The following RAPGEFL1 variants were observed in gnomAD, a reference collection of about 807,000 sequenced individuals.
RAPGEFL1 encodes the protein rap guanine nucleotide exchange factor-like 1.
Under a neutral mutation model 64.4 loss-of-function variants are expected in RAPGEFL1, and 31 were observed. That is an observed-to-expected ratio of 0.48 (90% confidence interval 0.36 to 0.65). The LOEUF (loss-of-function observed/expected upper bound fraction) is 0.65. Ranked by LOEUF, RAPGEFL1 falls within the 30% of genes least tolerant of loss-of-function variation. The pLI, the probability that RAPGEFL1 is intolerant of heterozygous loss-of-function variation, is 0.00. For missense variants in RAPGEFL1, 682 were observed against 677.4 expected (o/e 1.01, Z -0.08); for synonymous variants, 331 against 274.1 (o/e 1.21, Z -2.05).
upstream of RAPGEFL1, chr17:40,177,457 C>A (rs1200805866): frequency 6.2e-6 from 4 of 645,026 alleles, no homozygotes; most frequent in African/African-American, 1.8e-5. Flanking sequence ...GGGGCGCGGT[C>A]TCGGTTCTGC....
At position 40,178,391 on chromosome 17, in the gene RAPGEFL1, C is replaced by T. The variant is rs1396532785; in HGVS notation, c.520+10C>T. 1.0e-5 allele frequency: 5 copies of T among 494,950 alleles called. No individual in the cohort carries two copies. The highest frequency in any genetic ancestry group is 6.1e-5 in the African/African-American group (3 of 49,332). The allele number at this position is 494,950 out of a possible 1,614,324, so 30.7% of individuals were successfully genotyped here. On this transcript the variant is annotated intron_variant, in intron 1 of 14. Coordinates refer to ENST00000620260, the MANE Select transcript of RAPGEFL1 (RefSeq NM_016339.6). ...GACAGCGCCGCCTCAGGTAAGGAGC[C>T]GGTGGGCTCGAACACCCAGAGCAGG...
chr17:40,181,468 G>T (rs1307622334), intron 1 of RAPGEFL1, 148 bp from the exon 2 acceptor site: 1 of 672,890 alleles, frequency 1.5e-6, no homozygotes. Context: ...ATGTGTGCGC[G>T]TGTGCAGAGC....
chr17:40,177,156 A>G (rs1330130478), upstream of RAPGEFL1: 3 of 702,506 alleles, frequency 4.3e-6, no homozygotes, highest in Non-Finnish European at 5.2e-6. Flanking sequence ...TCTTGGGTTC[A>G]GCAATCTGTA....
chr17:40,177,630 G>A lies in RAPGEFL1; in HGVS notation c.-232G>A, dbSNP rs958461337. ...TTCGGGCCGCGTGCCGGCTGCAGCC[G>A]GCATGGGGGGTTGCTGAGAGCGAGC... On this transcript the variant is annotated 5_prime_UTR_variant, in exon 1 of 15. Coordinates refer to ENST00000620260, the MANE Select transcript of RAPGEFL1 (RefSeq NM_016339.6). 2.5e-6 allele frequency: 1 copy of A among 400,106 alleles called. No homozygotes were observed. The highest frequency in any genetic ancestry group is 4.3e-6 in the Non-Finnish European group (1 of 230,268). 24.8% of individuals were successfully genotyped at this position (400,106 alleles called of 1,614,324 possible).
intron 1 of RAPGEFL1, among the ~76,000 whole-genome samples, chr17:40,180,693 G>A (rs1285460913): frequency 6.6e-6 from 1 of 152,200 alleles, no homozygotes; most frequent in Middle Eastern, 3.2e-3. Context: ...TCACATTTGC[G>A]AAATGAAATC....
At chr17:40,181,011 C>T (rs963213997) in intron 1 of RAPGEFL1, among the ~76,000 whole-genome samples, 2 of 152,214 alleles carry the variant, frequency 1.3e-5, no homozygotes, top group African/African-American at 4.8e-5. Flanking sequence ...TGAGAGGAGC[C>T]GCTCCCCTTC....
intron 2 of RAPGEFL1, 95 bp from the exon 3 acceptor site, chr17:40,184,119 T>G: frequency 2.2e-6 from 2 of 925,378 alleles, no homozygotes; most frequent in Non-Finnish European, 3.6e-6. Flanking sequence ...GCTGGGATTA[T>G]AGGCGTGAGC....
intron 12 of RAPGEFL1, 100 bp downstream of exon 12, chr17:40,192,793 A>G (rs1483100329): frequency 7.3e-7 from 1 of 1,374,202 alleles, no homozygotes; most frequent in Admixed American, 1.7e-5. Context: ...AGCCCTGAGT[A>G]CCCACCTGGA....
chr17:40,192,160 T>C lies in RAPGEFL1; in HGVS notation c.1606-53T>C. 3 of 1,532,108 alleles carry C rather than the reference T, an allele frequency of 2.0e-6. No homozygotes were observed. In the South Asian group the frequency reaches 3.4e-5, roughly 17 times the overall value. The allele number at this position is 1,532,108 out of a possible 1,614,324, so 94.9% of individuals were successfully genotyped here. On this transcript the variant is annotated intron_variant, in intron 10 of 14. Transcript: ENST00000620260. ...GGAGAATTAATCCGAGGCTCCCATG[T>C]AACCCAAGGAGCTCCACTCTGATAT...
chr17:40,190,837 C>T, intron 8 of RAPGEFL1, 75 bp downstream of exon 8: 1 of 1,581,240 alleles, frequency 6.3e-7, no homozygotes, highest in Non-Finnish European at 8.6e-7. Context: ...GTTCGCAGCA[C>T]AACGTCCTGG....
At chr17:40,181,756 A>G (rs1014081472) in intron 2 of RAPGEFL1, 62 bp downstream of exon 2, 1 of 695,406 alleles carries the variant, frequency 1.4e-6, no homozygotes, top group African/African-American at 1.8e-5. Flanking sequence ...TCCGTCCCAC[A>G]TGCAATCTCA....
intron 4 of RAPGEFL1, 29 bp downstream of exon 4, chr17:40,184,707 C>A (rs752003698): frequency 1.4e-6 from 2 of 1,405,670 alleles, no homozygotes; most frequent in East Asian, 4.8e-5. Flanking sequence ...GGGGCGGGAA[C>A]AGGAAAGTGG....
chr17:40,191,684 C>T lies in RAPGEFL1; in HGVS notation c.1605+12C>T, dbSNP rs1598446324. The T allele has an allele frequency of 6.2e-7, 1 of 1,604,160 alleles. No homozygotes were observed. The highest frequency in any genetic ancestry group is 8.5e-7 in the Non-Finnish European group (1 of 1,175,646). On this transcript the variant is annotated intron_variant, in intron 10 of 14. Coordinates refer to ENST00000620260, the MANE Select transcript of RAPGEFL1 (RefSeq NM_016339.6). This position sits in a 1 kb window ranked among gnomAD's most constrained non-coding sequence, Gnocchi z 5.1. ...GACTCACCTGGGAGGTGATGAGACC[C>T]CTCCCGTTCCTACCTGGGAATCTGG...
intron 14 of RAPGEFL1, 91 bp from the exon 15 acceptor site, chr17:40,193,573 C>T (rs1990354101): frequency 6.2e-7 from 1 of 1,601,052 alleles, no homozygotes; most frequent in Non-Finnish European, 8.6e-7. Flanking sequence ...CAACATCTGT[C>T]TCAGTCCACA....
In RAPGEFL1 at chr17:40,184,740, G is replaced by A. The variant is rs1396642574; in HGVS notation, c.833+62G>A. ...TGGTCCCCTGCGTTCCTCTACTACA[G>A]GGGCTGCCTCTGGCCTATTGGCTGC... On this transcript the variant is annotated intron_variant, in intron 4 of 14. Coordinates refer to ENST00000620260, the MANE Select transcript of RAPGEFL1 (RefSeq NM_016339.6). The A allele has an allele frequency of 3.9e-6, 4 of 1,036,724 alleles. No homozygotes were observed. In the Admixed American group the frequency reaches 1.0e-4, roughly 27 times the overall value. The allele number at this position is 1,036,724 out of a possible 1,614,324, so 64.2% of individuals were successfully genotyped here.
rs1305753229 is a variant in RAPGEFL1, at chr17:40,181,664, C to T, written c.569C>T (p.Thr190Met). The change falls in exon 2 of 15, where the codon ACG (threonine) becomes ATG (methionine). Residue 190 changes from threonine to methionine, a missense_variant. Transcript: ENST00000620260. The part of the protein sequence containing the change: ...IVLTHSLFLP[T>M]EKFLQELHQY... ...CTTACCCATTCTCTCTTCCTCCCGACGGAGAAATTTCTGCAGGAGCTACAC... is the reference window on the plus strand; with the variant it reads ...CTTACCCATTCTCTCTTCCTCCCGATGGAGAAATTTCTGCAGGAGCTACAC... The T allele has an allele frequency of 1.6e-5, 11 of 702,630 alleles. No individual in the cohort carries two copies. The highest frequency in any genetic ancestry group is 5.2e-5 in the African/African-American group (3 of 57,234). The allele number at this position is 702,630 out of a possible 1,614,324, so 43.5% of individuals were successfully genotyped here.
At position 40,191,225 on chromosome 17, in the gene RAPGEFL1, T is replaced by G; in HGVS notation, c.1336-91T>G. The stretch of plus-strand genomic sequence containing the variant: ...CCCCTTCCGCCCCCGCCCTCCTGCC[T>G]TTCGCTCCTCATCGCCTTGCACTGC... On this transcript the variant is annotated intron_variant, in intron 8 of 14. Transcript: ENST00000620260. This position sits in a 1 kb window ranked among gnomAD's most constrained non-coding sequence, Gnocchi z 5.1. The G allele has an allele frequency of 9.7e-7, 1 of 1,026,660 alleles. No homozygotes were observed. Among genetic ancestry groups the G allele is most frequent in the Non-Finnish European group, 1.3e-6 (1 of 751,904 alleles). 63.6% of individuals were successfully genotyped at this position (1,026,660 alleles called of 1,614,324 possible). A position where few individuals can be genotyped will look rare whatever the true frequency, so the allele number is the denominator to read the frequency against.
Position 40,184,568 on chromosome 17 carries a change from C to A in RAPGEFL1, c.736-13C>A. Reference sequence around the variant, plus strand: ...GACCCCTTCCTTCACCTTCTTTGTCCTCCTCTCTCCAGGATCTATACCTGC... The same window carrying A: ...GACCCCTTCCTTCACCTTCTTTGTCATCCTCTCTCCAGGATCTATACCTGC... On this transcript the variant is annotated splice_polypyrimidine_tract_variant and intron_variant, in intron 3 of 14. Transcript: ENST00000620260. The A allele has an allele frequency of 1.4e-6, 2 of 1,469,860 alleles. No homozygotes were observed. Among genetic ancestry groups the A allele is most frequent in the Admixed American group, 2.0e-5 (1 of 50,664 alleles). 91.1% of individuals were successfully genotyped at this position (1,469,860 alleles called of 1,614,324 possible).
At position 40,189,193 on chromosome 17, in the gene RAPGEFL1, C is replaced by T; in HGVS notation, c.947-15C>T. The T allele has an allele frequency of 6.2e-7, 1 of 1,613,508 alleles. No homozygotes were observed. Among genetic ancestry groups the T allele is most frequent in the Non-Finnish European group, 8.5e-7 (1 of 1,179,524 alleles). On this transcript the variant is annotated splice_polypyrimidine_tract_variant and intron_variant, in intron 5 of 14. Coordinates refer to ENST00000620260, the MANE Select transcript of RAPGEFL1 (RefSeq NM_016339.6). ...TCTGCCCTCTGTTGAAAGCCATTTT[C>T]CTGTTTCCGTCCAGTCTTCTGCCGT...
Sources: gnomAD v4.1 joint callset for allele counts (sites outside exome capture counted in the v4.1 genomes callset) on GRCh38, gnomAD v4.1.1 for gene constraint, Gnocchi (gnomAD v3.1) non-coding constraint, MANE v1.5 for transcripts, NCBI Gene and HGNC (gene_info 2026-07-23, HGNC 2026-07-21) for gene names.